Variants in ASCC2 observed in about 807,000 individuals in gnomAD.
ASCC2 encodes ASC-1 complex subunit P100.
ASCC2 carries 42 observed loss-of-function variants against 93.5 expected under a neutral mutation model. The observed-to-expected ratio is 0.45, with a 90% CI of 0.35 to 0.58. The LOEUF is 0.58. Among genes scored for constraint, ASCC2 ranks in the 20% least tolerant of loss-of-function variants. ASCC2 has a pLI of 0.00. For synonymous variants in ASCC2, 364 were observed against 384.2 expected (o/e 0.95, Z 0.62); for missense variants, 859 against 977.6 (o/e 0.88, Z 1.62).
intron 19 of ASCC2, 61 bp from the exon 20 acceptor site, chr22:29,789,245 A>G (rs2068562490): frequency 6.3e-7 from 1 of 1,594,264 alleles, no homozygotes; most frequent in Non-Finnish European, 8.6e-7. Flanking sequence ...CTGGCGGGAG[A>G]GCCCACAGCC....
chr22:29,833,969 G>C (rs1225623711), intron 1 of ASCC2: 1 of 176,276 alleles, frequency 5.7e-6, no homozygotes, highest in Admixed American at 6.1e-5. Flanking sequence ...CGCCCATCTT[G>C]GCTTCCCAAA....
At chr22:29,819,992 T>C (rs2061360345) in intron 5 of ASCC2, among the ~76,000 whole-genome samples, 1 of 151,862 alleles carries the variant, frequency 6.6e-6, no homozygotes, top group African/African-American at 2.4e-5. Context: ...CCAGAGTAGC[T>C]GAGACTACAG....
rs562766645 is a variant in ASCC2 at position 29,826,796 on chromosome 22, C to T, written c.82-1016G>A. Among the ~76,000 whole-genome samples the T allele has an allele frequency of 8.4e-4, 127 of 152,076 alleles. 1 individual carries two copies. Among genetic ancestry groups the T allele is most frequent in the African/African-American group, 3.0e-3 (124 of 41,482 alleles). On this transcript the variant is annotated intron_variant, in intron 2 of 19. Coordinates refer to ENST00000307790, the MANE Select transcript of ASCC2 (RefSeq NM_032204.5). ...CTTGCAGACCTCTTCCAGGCATTTA[C>T]ATTAAATTATACCCATAAAGGCCAG...
chr22:29,793,473 G>A lies in ASCC2; in HGVS notation c.1806C>T (p.Gly602=), dbSNP rs776938110. 3.1e-6 allele frequency: 5 copies of A among 1,614,144 alleles called. No homozygotes were observed. Among genetic ancestry groups the A allele is most frequent in the South Asian group, 1.1e-5 (1 of 91,078 alleles). The part of the protein sequence containing the change: ...VVVEEVPLQP[G]ESLPYHSVYY... ...AGACACTGTGGTAGGGCAGGCTCTCGCCTGGCTGCAGTGGCACCTGCAATG... is the reference window on the plus strand; with the variant it reads ...AGACACTGTGGTAGGGCAGGCTCTCACCTGGCTGCAGTGGCACCTGCAATG... The change falls in exon 17 of 20, where the codon GGC becomes GGT. Residue 602 remains glycine, a synonymous_variant. Coordinates refer to ENST00000307790, the MANE Select transcript of ASCC2 (RefSeq NM_032204.5).
intron 15 of ASCC2, among the ~76,000 whole-genome samples, chr22:29,800,270 C>A (rs1372708501): frequency 6.6e-6 from 1 of 152,180 alleles, no homozygotes; most frequent in Non-Finnish European, 1.5e-5. Flanking sequence ...CTCAGAGGAG[C>A]CTTCTTGACT....
intron 5 of ASCC2, among the ~76,000 whole-genome samples, chr22:29,821,644 C>T (rs779332516): frequency 2.6e-5 from 4 of 152,208 alleles, no homozygotes; most frequent in Non-Finnish European, 4.4e-5. Context: ...TTCTTACATT[C>T]GTCGCCAAAG....
At chr22:29,820,172 TTTTTTTC>T (rs2061382055) in intron 5 of ASCC2, among the ~76,000 whole-genome samples, 1 of 150,742 alleles carries the variant, frequency 6.6e-6, no homozygotes, top group African/African-American at 2.4e-5. Context: ...CTTTTTTTCT[TTTTTTTC>T]TGAGACGGAG....
intron 1 of ASCC2, chr22:29,833,522 T>C (rs1248438434): frequency 8.6e-6 from 4 of 462,450 alleles, no homozygotes; most frequent in Non-Finnish European, 1.8e-5. Flanking sequence ...AGCTCCTTTC[T>C]ACAAAGGCAC....
At chr22:29,832,857 C>T (rs2063330097) in intron 1 of ASCC2, among the ~76,000 whole-genome samples, 1 of 152,124 alleles carries the variant, frequency 6.6e-6, no homozygotes, top group African/African-American at 2.4e-5. Context: ...CCTCCCACCT[C>T]AGCCTCCTGA....
At chr22:29,826,954 C>T (rs909425799) in intron 2 of ASCC2, among the ~76,000 whole-genome samples, 4 of 151,862 alleles carry the variant, frequency 2.6e-5, no homozygotes, top group African/African-American at 9.7e-5. Context: ...AAAAATTAGC[C>T]GGGCATGGTG....
chr22:29,790,981 G>A (rs2057669253), intron 18 of ASCC2, among the ~76,000 whole-genome samples: 1 of 152,200 alleles, frequency 6.6e-6, no homozygotes, highest in African/African-American at 2.4e-5. Flanking sequence ...CAGCATGTGT[G>A]GGAGTGCCCA....
chr22:29,833,727 G>A (rs2063427561), intron 1 of ASCC2: 1 of 435,538 alleles, frequency 2.3e-6, no homozygotes, highest in Non-Finnish European at 4.7e-6. Context: ...AACATGAAGA[G>A]AGACAGAGGC....
intron 15 of ASCC2, among the ~76,000 whole-genome samples, chr22:29,796,849 T>C (rs540988872): frequency 1.3e-5 from 2 of 152,260 alleles, no homozygotes; most frequent in South Asian, 4.1e-4. Context: ...ATGAGAGGCA[T>C]CACCATCCTT....
chr22:29,807,315 T>C (rs1393347005), intron 9 of ASCC2, among the ~76,000 whole-genome samples: 1 of 150,740 alleles, frequency 6.6e-6, no homozygotes, highest in East Asian at 2.0e-4. Context: ...TCCCCAGCAG[T>C]TGCAGGTGCC....
intron 5 of ASCC2, among the ~76,000 whole-genome samples, chr22:29,817,455 GA>G: frequency 6.6e-6 from 1 of 152,076 alleles, no homozygotes; most frequent in African/African-American, 2.4e-5. Context: ...CTCAACCTCA[GA>G]AAACCATCCC....
intron 17 of ASCC2, among the ~76,000 whole-genome samples, chr22:29,792,736 G>A (rs889811208): frequency 2.3e-4 from 35 of 152,158 alleles, no homozygotes; most frequent in African/African-American, 8.0e-4. Flanking sequence ...GGTTGAGGGG[G>A]AGACTGAAAT....
chr22:29,800,900 A>G, intron 15 of ASCC2, 91 bp downstream of exon 15: 1 of 1,467,002 alleles, frequency 6.8e-7, no homozygotes, highest in Non-Finnish European at 9.2e-7. Flanking sequence ...CTCCATGGCC[A>G]ATTCTGCGAA....
chr22:29,812,807 T>C (rs1315277940), intron 8 of ASCC2, among the ~76,000 whole-genome samples: 1 of 152,102 alleles, frequency 6.6e-6, no homozygotes, highest in South Asian at 2.1e-4. Context: ...CACAGCTCCA[T>C]GTTGGAGCAC....
chr22:29,790,100 G>A (rs1215445616), intron 19 of ASCC2, among the ~76,000 whole-genome samples: 1 of 152,176 alleles, frequency 6.6e-6, no homozygotes, highest in Non-Finnish European at 1.5e-5. Context: ...GTGTCTGTCT[G>A]AGCTCTCTCA....
Sources: allele counts gnomAD v4.1 joint callset (sites outside exome capture counted in the v4.1 genomes callset), GRCh38; gene constraint gnomAD v4.1.1; transcripts MANE v1.5; gene names NCBI Gene and HGNC (gene_info 2026-07-23, HGNC 2026-07-21).